Variants in ASIC2 observed in about 807,000 individuals in gnomAD.
The protein encoded by ASIC2 is acid sensing ion channel subunit 2, also known as acid-sensing ion channel 2.
Under a neutral mutation model 57.3 loss-of-function variants are expected in ASIC2, and 25 were observed. The observed-to-expected ratio is 0.44, with a 90% CI of 0.32 to 0.61. The LOEUF (loss-of-function observed/expected upper bound fraction) is 0.61. Ranked by LOEUF, ASIC2 falls within the 20% of genes least tolerant of loss-of-function variation. The pLI, the probability that ASIC2 is intolerant of heterozygous loss-of-function variation, is 0.06. For missense variants in ASIC2, 641 were observed against 738.1 expected (o/e 0.87, Z 1.52); for synonymous variants, 319 against 307.5 (o/e 1.04, Z -0.39).
At chr17:33,329,556 C>T (rs1208500964) in intron 1 of ASIC2, among the ~76,000 whole-genome samples, 2 of 152,142 alleles carry the variant, frequency 1.3e-5, no homozygotes, top group Non-Finnish European at 2.9e-5. Flanking sequence ...ATCACACAGC[C>T]AAGATATCCA....
chr17:33,107,701 C>T (rs1249222715), intron 2 of ASIC2, among the ~76,000 whole-genome samples: 1 of 152,142 alleles, frequency 6.6e-6, no homozygotes, highest in Non-Finnish European at 1.5e-5. Context: ...GCTGGGTCTA[C>T]CCAAAGAGGG....
chr17:33,289,248 T>G (rs1290840110), intron 1 of ASIC2, among the ~76,000 whole-genome samples: 1 of 152,294 alleles, frequency 6.6e-6, no homozygotes, highest in Non-Finnish European at 1.5e-5. Context: ...ACGCAGGGAC[T>G]CAGAGTACAG....
At chr17:33,562,936 C>G (rs951878456) in intron 1 of ASIC2, among the ~76,000 whole-genome samples, 2 of 152,194 alleles carry the variant, frequency 1.3e-5, no homozygotes, top group Non-Finnish European at 2.9e-5. Flanking sequence ...AGTATTTAGG[C>G]AACTTCCCTG....
At chr17:33,668,100 C>T (rs183687195) in intron 1 of ASIC2, among the ~76,000 whole-genome samples, 1 of 152,092 alleles carries the variant, frequency 6.6e-6, no homozygotes, top group Admixed American at 6.5e-5. Context: ...TGTTTGTGAA[C>T]CGCGCTGGCG....
At chr17:34,154,220 C>A (rs1047566121) in intron 1 of ASIC2, among the ~76,000 whole-genome samples, 1 of 152,098 alleles carries the variant, frequency 6.6e-6, no homozygotes, top group Non-Finnish European at 1.5e-5. Flanking sequence ...CGTTGCCAGG[C>A]GCTAGAAAGA....
chr17:33,161,512 A>G (rs531183269), intron 1 of ASIC2, among the ~76,000 whole-genome samples: 4 of 152,252 alleles, frequency 2.6e-5, no homozygotes, highest in East Asian at 3.9e-4. Context: ...ACTCTTCCAC[A>G]TCACTGTATT....
chr17:33,081,193 T>C (rs772730931), intron 3 of ASIC2, among the ~76,000 whole-genome samples: 19 of 152,194 alleles, frequency 1.2e-4, no homozygotes, highest in Non-Finnish European at 2.5e-4. Flanking sequence ...TCCTCCCTCA[T>C]CCTCTGCTGT....
intron 1 of ASIC2, among the ~76,000 whole-genome samples, chr17:33,285,558 G>A (rs4795763): frequency 0.11 from 17,208 of 152,230 alleles, 1,037 homozygotes; most frequent in Middle Eastern, 0.19. Flanking sequence ...TATTAAACAG[G>A]AGAATCCTGA....
At chr17:33,425,664 A>T (rs1047786564) in intron 1 of ASIC2, among the ~76,000 whole-genome samples, 1 of 152,064 alleles carries the variant, frequency 6.6e-6, no homozygotes, top group Non-Finnish European at 1.5e-5. Context: ...AGGTTGAGAA[A>T]ACAGAAGGGA....
At chr17:33,258,043 T>C (rs1000624065) in intron 1 of ASIC2, among the ~76,000 whole-genome samples, 1 of 152,244 alleles carries the variant, frequency 6.6e-6, no homozygotes, top group African/African-American at 2.4e-5. Context: ...AGTTATATGA[T>C]TTTTTATGTG....
chr17:33,597,260 C>T (rs985293104), intron 1 of ASIC2, among the ~76,000 whole-genome samples: 4 of 152,118 alleles, frequency 2.6e-5, no homozygotes, highest in African/African-American at 9.7e-5. Flanking sequence ...CCACAGGGCC[C>T]TGCAGGGAAG....
At position 34,012,433 on chromosome 17, in the gene ASIC2, T is replaced by C. The variant is rs116010315; in HGVS notation, c.555+143545A>G. Among the ~76,000 whole-genome samples the C allele has an allele frequency of 2.5e-3, 380 of 152,310 alleles. 1 individual carries two copies. The highest frequency in any genetic ancestry group is 8.7e-3 in the African/African-American group (361 of 41,542). On this transcript the variant is annotated intron_variant, in intron 1 of 9. Transcript: ENST00000359872. ...GACTATTTTTACTCGAACATTTTCA[T>C]GCGGTTGCACATCCCACAACTGGCC...
At chr17:33,214,681 T>TAAC (rs3083448) in intron 1 of ASIC2, among the ~76,000 whole-genome samples, 106,270 of 151,606 alleles carry the variant, frequency 0.7, 37,490 homozygotes, top group Non-Finnish European at 0.75. Context: ...TCTGCCTTTA[T>TAAC]AAGTTCCCAG....
At chr17:33,496,888 G>A (rs763946081) in intron 1 of ASIC2, among the ~76,000 whole-genome samples, 4 of 152,154 alleles carry the variant, frequency 2.6e-5, no homozygotes, top group Non-Finnish European at 5.9e-5. Flanking sequence ...AAAGTGCTGG[G>A]ATTACAGGTG....
intron 1 of ASIC2, among the ~76,000 whole-genome samples, chr17:33,383,398 G>A (rs1167484733): frequency 3.3e-5 from 5 of 152,176 alleles, no homozygotes; most frequent in Admixed American, 3.3e-4. Flanking sequence ...TTTGAAAGTA[G>A]CATGTTCGGC....
chr17:33,506,957 G>C (rs1435851590), intron 1 of ASIC2, among the ~76,000 whole-genome samples: 2 of 152,176 alleles, frequency 1.3e-5, no homozygotes, highest in African/African-American at 4.8e-5. Flanking sequence ...TCATCAAAAG[G>C]CTCTTCAGGA....
intron 1 of ASIC2, among the ~76,000 whole-genome samples, chr17:33,326,811 A>G (rs146800078): frequency 6.6e-6 from 1 of 152,302 alleles, no homozygotes; most frequent in African/African-American, 2.4e-5. Context: ...GACTTTTGGC[A>G]ATTATTCCTG....
chr17:34,106,401 C>T (rs979364347), intron 1 of ASIC2, among the ~76,000 whole-genome samples: 2 of 152,022 alleles, frequency 1.3e-5, no homozygotes, highest in African/African-American at 2.4e-5. Flanking sequence ...ATTTTTACTA[C>T]GATGATCACA....
At chr17:34,082,825 T>C (rs536602714) in intron 1 of ASIC2, among the ~76,000 whole-genome samples, 1 of 152,336 alleles carries the variant, frequency 6.6e-6, no homozygotes, top group Admixed American at 6.5e-5. Flanking sequence ...GATGGTAAAG[T>C]AGTTGAGTTA....
Sources: gnomAD v4.1 joint callset for allele counts (sites outside exome capture counted in the v4.1 genomes callset) on GRCh38, gnomAD v4.1.1 for gene constraint, MANE v1.5 for transcripts, NCBI Gene and HGNC (gene_info 2026-07-23, HGNC 2026-07-21) for gene names.